NRXN3: variants seen among roughly 807,000 people sequenced by gnomAD.
The protein encoded by NRXN3 is neurexin III.
NRXN3 carries 32 observed loss-of-function variants against 137.6 expected under a neutral mutation model. The ratio of observed to expected loss-of-function variants is 0.23; its 90% CI spans 0.18 to 0.31. The LOEUF (loss-of-function observed/expected upper bound fraction) is 0.31. Ranked by LOEUF, NRXN3 falls within the 10% of genes least tolerant of loss-of-function variation. The pLI, the probability that NRXN3 is intolerant of heterozygous loss-of-function variation, is 1.00. For synonymous variants in NRXN3, 798 were observed against 784.5 expected (o/e 1.02, Z -0.29); for missense variants, 1,574 against 2,062.5 (o/e 0.76, Z 4.59).
intron 8 of NRXN3, among the ~76,000 whole-genome samples, chr14:78,771,647 A>G (rs1484796892): frequency 1.3e-5 from 2 of 152,352 alleles, no homozygotes; most frequent in East Asian, 3.9e-4. Flanking sequence ...ACCTGCAGAC[A>G]GGGAATAAGA....
At chr14:78,336,481 G>A (rs1021506895) in intron 4 of NRXN3, among the ~76,000 whole-genome samples, 1 of 152,068 alleles carries the variant, frequency 6.6e-6, no homozygotes, top group African/African-American at 2.4e-5. Flanking sequence ...GGATGAACAG[G>A]GGATTAAGGT....
chr14:78,350,182 C>T lies in NRXN3; in HGVS notation c.757+52322C>T, dbSNP rs145429439. ...TGCGTACCTGTAATCCCAGCTACTC[C>T]GGAGGATGAGGCAGGAGAATTGCTT... On this transcript the variant is annotated intron_variant, in intron 4 of 20. Coordinates refer to ENST00000335750, the MANE Select transcript of NRXN3 (RefSeq NM_001330195.2). 1.6e-3 allele frequency among the ~76,000 whole-genome samples: 236 copies of T among 151,836 alleles called. 1 individual carries two copies. The highest frequency in any genetic ancestry group is 4.9e-3 in the African/African-American group (204 of 41,384).
At chr14:78,698,087 G>A (rs1293457895) in intron 6 of NRXN3, 1 of 151,990 alleles carries the variant, frequency 6.6e-6, no homozygotes, top group East Asian at 1.9e-4. Context: ...TAGTGGGCTT[G>A]ACATTACAAG....
At chr14:79,275,782 C>G (rs2080197852) in intron 15 of NRXN3, among the ~76,000 whole-genome samples, 1 of 151,870 alleles carries the variant, frequency 6.6e-6, no homozygotes, top group Non-Finnish European at 1.5e-5. Context: ...AATACCAGTT[C>G]TAAAGCCTGA....
chr14:79,273,990 G>C (rs142699971), intron 15 of NRXN3, among the ~76,000 whole-genome samples: 1 of 151,722 alleles, frequency 6.6e-6, no homozygotes, highest in East Asian at 1.9e-4. Context: ...CCAGCTACTC[G>C]GGAGGCTGAA....
intron 14 of NRXN3, among the ~76,000 whole-genome samples, chr14:78,975,835 A>G (rs1198173296): frequency 6.6e-6 from 1 of 152,178 alleles, no homozygotes; most frequent in African/African-American, 2.4e-5. Flanking sequence ...ATGTATTTTC[A>G]CATTATGACA....
chr14:78,941,545 A>T (rs1008427309), intron 10 of NRXN3, among the ~76,000 whole-genome samples: 4 of 152,182 alleles, frequency 2.6e-5, no homozygotes, highest in African/African-American at 7.2e-5. Context: ...ACCATTGGTT[A>T]TGGAGGTCTG....
chr14:78,697,253 C>A (rs575171715), intron 6 of NRXN3, among the ~76,000 whole-genome samples: 1 of 152,026 alleles, frequency 6.6e-6, no homozygotes, highest in South Asian at 2.1e-4. Flanking sequence ...CATCCTATGT[C>A]CCTTTTCTCC....
At chr14:78,759,079 C>T (rs1355980080) in intron 8 of NRXN3, among the ~76,000 whole-genome samples, 1 of 152,220 alleles carries the variant, frequency 6.6e-6, no homozygotes, top group Non-Finnish European at 1.5e-5. Context: ...ACTTCACCCA[C>T]ACCACAAATG....
intron 15 of NRXN3, among the ~76,000 whole-genome samples, chr14:79,101,080 T>A (rs1237601714): frequency 6.6e-6 from 1 of 152,186 alleles, no homozygotes; most frequent in East Asian, 1.9e-4. Flanking sequence ...CAGAATGTAA[T>A]GTATCTGACT....
intron 15 of NRXN3, among the ~76,000 whole-genome samples, chr14:79,051,820 GT>G (rs1245151116): frequency 6.6e-6 from 1 of 152,154 alleles, no homozygotes; most frequent in Non-Finnish European, 1.5e-5. Context: ...GCAAATACAT[GT>G]TCTGAAAACA....
At chr14:79,733,044 A>C (rs1159026776) in intron 19 of NRXN3, among the ~76,000 whole-genome samples, 2 of 151,596 alleles carry the variant, frequency 1.3e-5, no homozygotes, top group African/African-American at 2.4e-5. Context: ...AATCTTTGTC[A>C]TAAATCTACT....
chr14:79,767,312 C>T (rs576856732), intron 19 of NRXN3, among the ~76,000 whole-genome samples: 1 of 152,308 alleles, frequency 6.6e-6, no homozygotes, highest in South Asian at 2.1e-4. Flanking sequence ...AGGGCTTTTG[C>T]ATGTGCTGTT....
intron 11 of NRXN3, among the ~76,000 whole-genome samples, chr14:78,965,640 G>A (rs1269288588): frequency 6.6e-6 from 1 of 152,216 alleles, no homozygotes; most frequent in Admixed American, 6.5e-5. Context: ...ATACTTGGTA[G>A]TGATGCCCAA....
At chr14:79,014,690 G>A (rs1594924892) in intron 15 of NRXN3, among the ~76,000 whole-genome samples, 2 of 152,276 alleles carry the variant, frequency 1.3e-5, no homozygotes, top group East Asian at 1.9e-4. Flanking sequence ...AACCATTGGT[G>A]GGGAGCTAGT....
At chr14:79,381,956 C>T (rs1001966001) in intron 15 of NRXN3, among the ~76,000 whole-genome samples, 2 of 152,168 alleles carry the variant, frequency 1.3e-5, no homozygotes, top group African/African-American at 4.8e-5. Flanking sequence ...AATATTAACA[C>T]TCCTTGTACT....
At chr14:78,221,250 C>G (rs1053905355) in intron 1 of NRXN3, among the ~76,000 whole-genome samples, 1 of 152,048 alleles carries the variant, frequency 6.6e-6, no homozygotes, top group Non-Finnish European at 1.5e-5. Flanking sequence ...TGCCGTATAG[C>G]TTTGGTGAGG....
At chr14:78,305,392 C>T (rs1466435906) in intron 4 of NRXN3, among the ~76,000 whole-genome samples, 1 of 152,130 alleles carries the variant, frequency 6.6e-6, no homozygotes. Context: ...ACCCTAAGAT[C>T]TATTCTAGTC....
chr14:78,980,258 C>T (rs1369441108), intron 14 of NRXN3, among the ~76,000 whole-genome samples: 2 of 152,324 alleles, frequency 1.3e-5, no homozygotes, highest in Middle Eastern at 3.4e-3. Flanking sequence ...TTGATATGGC[C>T]TCCAGGCCTG....
Sources: gnomAD v4.1 joint callset for allele counts (sites outside exome capture counted in the v4.1 genomes callset) on GRCh38, gnomAD v4.1.1 for gene constraint, MANE v1.5 for transcripts, NCBI Gene and HGNC (gene_info 2026-07-23, HGNC 2026-07-21) for gene names.